The following SLC4A10 variants were observed in gnomAD, a reference collection of about 807,000 sequenced individuals.
The protein encoded by SLC4A10 is sodium-driven chloride bicarbonate exchanger.
In SLC4A10, 42 loss-of-function variants were observed where a neutral mutation model predicts 137.7. The observed-to-expected ratio is 0.30, with a 90% confidence interval of 0.24 to 0.39. SLC4A10 has a LOEUF of 0.39. Among genes scored for constraint, SLC4A10 ranks in the 10% least tolerant of loss-of-function variants. SLC4A10 has a pLI of 1.00. For missense variants in SLC4A10, 925 were observed against 1,355.0 expected, an observed-to-expected ratio of 0.68 and a Z score of 4.98; for synonymous variants, 474 against 464.1, an observed-to-expected ratio of 1.02 and a Z score of -0.27.
intron 1 of SLC4A10, among the ~76,000 whole-genome samples, chr2:161,710,390 A>G (rs1359316537): frequency 6.6e-6 from 1 of 151,752 alleles, no homozygotes; most frequent in Non-Finnish European, 1.5e-5. Flanking sequence ...CTGACCTTTC[A>G]AGAGAACCAA....
chr2:161,964,195 C>T lies in SLC4A10; in HGVS notation c.2923C>T (p.Leu975=). 6.2e-7 allele frequency: 1 copy of T among 1,613,226 alleles called. No homozygotes were observed. Among genetic ancestry groups the T allele is most frequent in the East Asian group, 2.2e-5 (1 of 44,858 alleles). Residue 975 remains leucine, a synonymous_variant, in exon 22 of 27, where the codon CTA becomes TTA. Transcript: ENST00000446997. ...AAAACATCAACCAGATTTTATATAC[C>T]TAAGGCACGTACCGCTTCGAAAAGT... ...PAKHQPDFIY[L]RHVPLRKVHL...
chr2:161,860,675 A>G (rs2060384300), intron 5 of SLC4A10, among the ~76,000 whole-genome samples: 1 of 152,182 alleles, frequency 6.6e-6, no homozygotes, highest in South Asian at 2.1e-4. Context: ...TTTAAATATT[A>G]TTCTATAGTA....
At chr2:161,866,875 G>A (rs1291841186) in intron 6 of SLC4A10, among the ~76,000 whole-genome samples, 2 of 151,658 alleles carry the variant, frequency 1.3e-5, no homozygotes, top group African/African-American at 4.8e-5. Flanking sequence ...TTATATTTTT[G>A]AAGATAATTT....
chr2:161,763,514 C>A (rs1574836581), intron 1 of SLC4A10, among the ~76,000 whole-genome samples: 1 of 152,144 alleles, frequency 6.6e-6, no homozygotes, highest in East Asian at 1.9e-4. Flanking sequence ...TGGAGACCTG[C>A]AACAACAGGA....
chr2:161,844,747 T>C (rs1048113743), intron 4 of SLC4A10, among the ~76,000 whole-genome samples: 1 of 152,090 alleles, frequency 6.6e-6, no homozygotes, highest in Non-Finnish European at 1.5e-5. Context: ...ATAGGAGTAT[T>C]GTAGAGGAGA....
intron 1 of SLC4A10, among the ~76,000 whole-genome samples, chr2:161,696,460 C>G (rs1559051273): frequency 2.2e-5 from 2 of 92,106 alleles, no homozygotes; most frequent in Non-Finnish European, 4.1e-5. Context: ...CCCCCCTCCC[C>G]CCACCCCACA....
intron 1 of SLC4A10, among the ~76,000 whole-genome samples, chr2:161,696,163 T>C (rs1574407667): frequency 6.6e-6 from 1 of 151,486 alleles, no homozygotes; most frequent in East Asian, 2.0e-4. Context: ...ACATGTGGTG[T>C]TTGTTTTTTT....
intron 23 of SLC4A10, among the ~76,000 whole-genome samples, chr2:161,970,697 G>C (rs1698374285): frequency 6.6e-6 from 1 of 152,188 alleles, no homozygotes; most frequent in Non-Finnish European, 1.5e-5. Flanking sequence ...GGATGTAGTT[G>C]TAAATGAACC....
At chr2:161,908,047 G>A (rs1684853202) in intron 15 of SLC4A10, among the ~76,000 whole-genome samples, 1 of 151,894 alleles carries the variant, frequency 6.6e-6, no homozygotes, top group Non-Finnish European at 1.5e-5. Flanking sequence ...GGTCTAGAAA[G>A]GAAAAAGATT....
At chr2:161,949,123 T>A in intron 17 of SLC4A10, 25 bp from the exon 18 acceptor site, 3 of 1,482,452 alleles carry the variant, frequency 2.0e-6, no homozygotes, top group Non-Finnish European at 2.8e-6. Context: ...CTACTTTAAG[T>A]GACAAGTGTT....
chr2:161,950,506 T>C (rs1559609627), intron 18 of SLC4A10, among the ~76,000 whole-genome samples, 181 bp from the exon 19 acceptor site: 1 of 152,080 alleles, frequency 6.6e-6, no homozygotes, highest in Non-Finnish European at 1.5e-5. Context: ...AAAAATGAGT[T>C]AAAATATTTA....
intron 3 of SLC4A10, among the ~76,000 whole-genome samples, chr2:161,820,251 C>T (rs2057499955): frequency 6.6e-6 from 1 of 152,088 alleles, no homozygotes; most frequent in Non-Finnish European, 1.5e-5. Flanking sequence ...ACAGTGGCTT[C>T]CTGTTCCTAT....
intron 2 of SLC4A10, among the ~76,000 whole-genome samples, chr2:161,801,676 T>C (rs192133368): frequency 6.6e-6 from 1 of 152,156 alleles, no homozygotes; most frequent in Non-Finnish European, 1.5e-5. Flanking sequence ...CTGTGCTCTG[T>C]TGATCTGTCT....
intron 19 of SLC4A10, among the ~76,000 whole-genome samples, chr2:161,952,783 T>C (rs771228619): frequency 2.0e-5 from 3 of 152,188 alleles, no homozygotes; most frequent in Non-Finnish European, 2.9e-5. Context: ...CTATAACTCT[T>C]GTCTCCTATA....
intron 1 of SLC4A10, among the ~76,000 whole-genome samples, chr2:161,722,262 C>G (rs971164197): frequency 6.6e-5 from 10 of 152,198 alleles, no homozygotes; most frequent in Non-Finnish European, 1.5e-4. Context: ...GAGAGGCACT[C>G]TGGCTTTTTG....
chr2:161,859,074 C>G (rs1301400340), intron 5 of SLC4A10, among the ~76,000 whole-genome samples: 2 of 152,054 alleles, frequency 1.3e-5, no homozygotes, highest in African/African-American at 2.4e-5. Flanking sequence ...CCACCTCTCC[C>G]AATATCTTTT....
chr2:161,736,505 T>G (rs560250717), intron 1 of SLC4A10, among the ~76,000 whole-genome samples: 1 of 152,226 alleles, frequency 6.6e-6, no homozygotes, highest in Non-Finnish European at 1.5e-5. Context: ...CTCAGGAAAC[T>G]TACAGTCATG....
intron 1 of SLC4A10, among the ~76,000 whole-genome samples, chr2:161,684,342 C>T (rs1051141527): frequency 6.6e-6 from 1 of 152,102 alleles, no homozygotes; most frequent in African/African-American, 2.4e-5. Context: ...CATTTTTCTG[C>T]ATTTTTTTCT....
At chr2:161,779,157 G>T (rs993266710) in intron 2 of SLC4A10, among the ~76,000 whole-genome samples, 2 of 151,884 alleles carry the variant, frequency 1.3e-5, no homozygotes, top group Non-Finnish European at 2.9e-5. Flanking sequence ...AAATATCCTT[G>T]CTTTATAACA....
Sources: gnomAD v4.1 joint callset for allele counts (sites outside exome capture counted in the v4.1 genomes callset) on GRCh38, gnomAD v4.1.1 for gene constraint, MANE v1.5 for transcripts, NCBI Gene and HGNC (gene_info 2026-07-23, HGNC 2026-07-21) for gene names.